Variants in RNF150 observed in about 807,000 individuals in gnomAD.
RNF150 encodes the protein ring finger protein 150.
In RNF150, 24 loss-of-function variants were observed where a neutral mutation model predicts 39.3. The observed-to-expected ratio is 0.61, with a 90% CI of 0.44 to 0.86. The LOEUF (loss-of-function observed/expected upper bound fraction) is 0.86, where lower values mean the gene tolerates loss of function less well. Ranked by LOEUF, RNF150 falls within the 40% of genes least tolerant of loss-of-function variation. The pLI is 0.00. For synonymous variants in RNF150, 255 were observed against 227.3 expected (o/e 1.12, Z -1.10); for missense variants, 502 against 587.8 (o/e 0.85, Z 1.51).
At chr4:141,014,752 T>C (rs1044795734) in intron 1 of RNF150, among the ~76,000 whole-genome samples, 2 of 151,706 alleles carry the variant, frequency 1.3e-5, no homozygotes, top group Non-Finnish European at 2.9e-5. Flanking sequence ...TTATCAGATG[T>C]ACAGTTTGTA....
intron 1 of RNF150, among the ~76,000 whole-genome samples, chr4:140,978,257 C>T (rs1325600357): frequency 6.6e-6 from 1 of 152,114 alleles, no homozygotes; most frequent in East Asian, 1.9e-4. Context: ...ATGTCAAATG[C>T]TGATGTTCCT....
At chr4:140,999,999 G>GAAAAGAAGAA (rs200920078) in intron 1 of RNF150, among the ~76,000 whole-genome samples, 16 of 36,602 alleles carry the variant, frequency 4.4e-4, no homozygotes, top group Admixed American at 1.0e-3. Context: ...AAGAAAAGAA[G>GAAAAGAAGAA]AAGAAGAAGA....
chr4:141,127,936 T>C (rs1726794120), intron 1 of RNF150, among the ~76,000 whole-genome samples: 2 of 152,190 alleles, frequency 1.3e-5, no homozygotes, highest in African/African-American at 4.8e-5. Context: ...ATACATGCCC[T>C]TGCTACGATG....
chr4:141,161,301 AG>A (rs1204617670), intron 1 of RNF150, among the ~76,000 whole-genome samples: 1 of 152,200 alleles, frequency 6.6e-6, no homozygotes, highest in Non-Finnish European at 1.5e-5. Context: ...GTGATGATTT[AG>A]GGTATATGGC....
Position 140,861,288 on chromosome 4 carries a change from C to T in RNF150, c.*6973G>A, listed in dbSNP as rs896885081. The stretch of plus-strand genomic sequence containing the variant: ...GCTTATAACTGCACAAACATTCTAG[C>T]CAGAGGCATCTTCTTTGCAAACAGA... On this transcript the variant is annotated 3_prime_UTR_variant, in exon 7 of 7. Coordinates refer to ENST00000515673, the MANE Select transcript of RNF150 (RefSeq NM_020724.2). The T allele has an allele frequency of 2.6e-5, 4 of 152,174 alleles. No homozygotes were observed. Among genetic ancestry groups the T allele is most frequent in the Non-Finnish European group, 4.4e-5 (3 of 68,030 alleles). The allele number at this position is 152,174 out of a possible 1,614,324, so 9.4% of individuals were successfully genotyped here.
intron 1 of RNF150, among the ~76,000 whole-genome samples, chr4:140,969,663 T>C (rs1733381712): frequency 6.6e-6 from 1 of 151,890 alleles, no homozygotes; most frequent in Admixed American, 6.6e-5. Context: ...TTTGGCATGT[T>C]TACTTAAAGC....
At chr4:140,962,846 T>G (rs565608846) in intron 2 of RNF150, among the ~76,000 whole-genome samples, 2 of 152,112 alleles carry the variant, frequency 1.3e-5, no homozygotes, top group Admixed American at 1.3e-4. Flanking sequence ...TTTCCCATTT[T>G]GGGTAAGCAG....
At chr4:140,868,421 G>A in intron 6 of RNF150, 42 bp from the exon 7 acceptor site, 1 of 1,023,184 alleles carries the variant, frequency 9.8e-7, no homozygotes, top group Admixed American at 1.7e-5. Flanking sequence ...ACCGAGCTAT[G>A]TCTTTGCATG....
intron 1 of RNF150, among the ~76,000 whole-genome samples, chr4:141,120,475 A>G (rs996000370): frequency 3.9e-5 from 6 of 152,194 alleles, no homozygotes; most frequent in African/African-American, 1.2e-4. Context: ...TTGCTGGAAG[A>G]TATTTCTCTT....
intron 1 of RNF150, among the ~76,000 whole-genome samples, chr4:141,008,594 A>T (rs1449968377): frequency 1.3e-5 from 2 of 152,206 alleles, no homozygotes; most frequent in Admixed American, 1.3e-4. Context: ...GGCATGGGGC[A>T]GGGTTCAAAG....
intron 1 of RNF150, among the ~76,000 whole-genome samples, chr4:141,125,928 C>G (rs1011878686): frequency 1.3e-5 from 2 of 152,124 alleles, no homozygotes; most frequent in African/African-American, 4.8e-5. Flanking sequence ...AATGTATAAA[C>G]AAGTCATACA....
intron 1 of RNF150, among the ~76,000 whole-genome samples, chr4:141,079,526 G>A (rs914933543): frequency 1.3e-4 from 20 of 152,126 alleles, no homozygotes; most frequent in African/African-American, 4.8e-4. Flanking sequence ...ATTTCCTCAT[G>A]TAAAAAATAA....
chr4:141,006,202 A>G (rs1306892794), intron 1 of RNF150, among the ~76,000 whole-genome samples: 1 of 143,264 alleles, frequency 7.0e-6, no homozygotes, highest in Non-Finnish European at 1.5e-5. Context: ...GAAATTATAT[A>G]TATACACACA....
rs1448974713 is a variant in RNF150, at chr4:140,892,794, G to T, written c.1198+18350C>A. Among the ~76,000 whole-genome samples the T allele has an allele frequency of 2.6e-5, 4 of 152,208 alleles. No individual in the cohort carries two copies. The East Asian group carries it at 7.7e-4, about 29-fold the overall frequency. On this transcript the variant is annotated intron_variant, in intron 6 of 6. Transcript: ENST00000515673. Reference sequence around the variant, plus strand: ...GGTCTGTGGAGGCTGGTGTAGTGTGGCTCATGCCTGTAATCCCAGCACTTG... The same window carrying T: ...GGTCTGTGGAGGCTGGTGTAGTGTGTCTCATGCCTGTAATCCCAGCACTTG...
intron 1 of RNF150, among the ~76,000 whole-genome samples, chr4:141,018,436 T>C (rs750364709): frequency 3.9e-5 from 6 of 152,170 alleles, no homozygotes; most frequent in Admixed American, 6.5e-5. Context: ...CCAGTGTTTC[T>C]TTCTTTCTTA....
chr4:141,209,514 A>G (rs2111228608), intron 1 of RNF150, among the ~76,000 whole-genome samples: 1 of 152,282 alleles, frequency 6.6e-6, no homozygotes, highest in Middle Eastern at 3.4e-3. Context: ...AAGTTTCCCT[A>G]GAGTATGTGA....
intron 6 of RNF150, among the ~76,000 whole-genome samples, chr4:140,894,694 G>A (rs1729875051): frequency 6.6e-6 from 1 of 152,148 alleles, no homozygotes; most frequent in South Asian, 2.1e-4. Flanking sequence ...AAAATCTGCA[G>A]CCACAAACAT....
At chr4:141,057,010 G>T (rs1737002630) in intron 1 of RNF150, among the ~76,000 whole-genome samples, 1 of 152,066 alleles carries the variant, frequency 6.6e-6, no homozygotes, top group Admixed American at 6.6e-5. Context: ...AATACTAGCT[G>T]CATGTTCTTT....
chr4:141,157,717 C>T (rs368426004), intron 1 of RNF150, among the ~76,000 whole-genome samples: 1 of 152,146 alleles, frequency 6.6e-6, no homozygotes, highest in Non-Finnish European at 1.5e-5. Flanking sequence ...TACACGATAA[C>T]ATATTACCAC....
Sources: allele counts gnomAD v4.1 joint callset (sites outside exome capture counted in the v4.1 genomes callset), GRCh38; gene constraint gnomAD v4.1.1; transcripts MANE v1.5; gene names NCBI Gene and HGNC (gene_info 2026-07-23, HGNC 2026-07-21).